PKNOX2: variants seen among roughly 807,000 people sequenced by gnomAD.
PKNOX2 encodes the protein PBX/knotted 1 homeobox 2.
A neutral mutation model predicts 53.1 loss-of-function variants in PKNOX2; 14 were observed. That is an observed-to-expected ratio of 0.26 (90% CI 0.17 to 0.41). The LOEUF is 0.41. PKNOX2 is among the 10% of genes least tolerant of loss of function. The pLI is 1.00. For synonymous variants in PKNOX2, 257 were observed against 242.8 expected (o/e 1.06, Z -0.54); for missense variants, 496 against 602.8 (o/e 0.82, Z 1.85).
At chr11:125,329,568 G>A (rs1181820750) in intron 2 of PKNOX2, among the ~76,000 whole-genome samples, 2 of 152,202 alleles carry the variant, frequency 1.3e-5, no homozygotes, top group African/African-American at 2.4e-5. Flanking sequence ...GATAACCATA[G>A]CATGAGACAG....
At chr11:125,421,151 G>T (rs1956148056) in intron 10 of PKNOX2, among the ~76,000 whole-genome samples, 3 of 152,172 alleles carry the variant, frequency 2.0e-5, no homozygotes, top group African/African-American at 7.2e-5. Flanking sequence ...CATGTAATTG[G>T]GGAAATAAAT....
chr11:125,405,811 C>T (rs1365722454), intron 7 of PKNOX2, among the ~76,000 whole-genome samples: 2 of 152,202 alleles, frequency 1.3e-5, no homozygotes, highest in African/African-American at 2.4e-5. Context: ...GGGGCCGCTT[C>T]CAGGGGTGCC....
chr11:125,391,375 G>A (rs912414673), intron 6 of PKNOX2, among the ~76,000 whole-genome samples: 2 of 152,194 alleles, frequency 1.3e-5, no homozygotes. Flanking sequence ...GAAAGGCCAC[G>A]ATCCTACAAG....
chr11:125,312,037 C>G (rs2136012654), intron 2 of PKNOX2, among the ~76,000 whole-genome samples: 1 of 152,228 alleles, frequency 6.6e-6, no homozygotes. Context: ...ATTTGGACCT[C>G]AGATCCAGCA....
intron 1 of PKNOX2, among the ~76,000 whole-genome samples, chr11:125,189,397 A>ATGTATATATATG (rs1565464991): frequency 1.6e-4 from 9 of 57,326 alleles, no homozygotes; most frequent in East Asian, 1.4e-3. Flanking sequence ...GTATATATAT[A>ATGTATATATATG]TGTGTGTATA....
At chr11:125,410,560 C>T (rs1212110484) in intron 8 of PKNOX2, 4 of 671,424 alleles carry the variant, frequency 6.0e-6, no homozygotes, top group African/African-American at 5.4e-5. Flanking sequence ...CCAAGTAAGG[C>T]TGTTGTCCCT....
intron 1 of PKNOX2, among the ~76,000 whole-genome samples, chr11:125,216,825 G>A (rs767926724): frequency 7.9e-5 from 12 of 152,156 alleles, no homozygotes; most frequent in Non-Finnish European, 1.6e-4. Flanking sequence ...CTGAGGTCAC[G>A]TGGCTGGCCT....
intron 1 of PKNOX2, among the ~76,000 whole-genome samples, chr11:125,214,729 T>G (rs995069307): frequency 3.9e-5 from 6 of 152,002 alleles, no homozygotes; most frequent in African/African-American, 1.4e-4. Flanking sequence ...CTCCAACTCC[T>G]TGCCAACCCT....
At chr11:125,222,739 C>A (rs1301404045) in intron 1 of PKNOX2, among the ~76,000 whole-genome samples, 1 of 134,758 alleles carries the variant, frequency 7.4e-6, no homozygotes, top group South Asian at 2.4e-4. Flanking sequence ...GTGTGTGTGT[C>A]TGTGTCTGTG....
At position 125,310,718 on chromosome 11, in the gene PKNOX2, T is replaced by C. The variant is rs1014750842; in HGVS notation, c.-129-21101T>C. Reference sequence around the variant, plus strand: ...TGGTTTTGCAATCCTGTTCTTTCCATACTCCAAGATATAATTTGCCATTGT... The same window carrying C: ...TGGTTTTGCAATCCTGTTCTTTCCACACTCCAAGATATAATTTGCCATTGT... On this transcript the variant is annotated intron_variant, in intron 2 of 12. Transcript: ENST00000298282. Among the ~76,000 whole-genome samples, 3 of 152,260 alleles carry C rather than the reference T, an allele frequency of 2.0e-5. No homozygotes were observed. The East Asian group carries it at 5.8e-4, about 29-fold the overall frequency.
chr11:125,349,094 A>G (rs1465030025), intron 3 of PKNOX2, among the ~76,000 whole-genome samples: 1 of 152,236 alleles, frequency 6.6e-6, no homozygotes, highest in African/African-American at 2.4e-5. Context: ...AGGGAAGGCT[A>G]TGTTTAATAG....
intron 2 of PKNOX2, among the ~76,000 whole-genome samples, chr11:125,271,878 G>A (rs1464840700): frequency 2.6e-5 from 4 of 152,160 alleles, no homozygotes; most frequent in Non-Finnish European, 5.9e-5. Flanking sequence ...ATACTGATGG[G>A]GAAGCCGCCT....
At chr11:125,295,684 G>C (rs1947612959) in intron 2 of PKNOX2, among the ~76,000 whole-genome samples, 1 of 152,204 alleles carries the variant, frequency 6.6e-6, no homozygotes, top group South Asian at 2.1e-4. Context: ...GGAGGCCTGA[G>C]ACAGGGTCAC....
At chr11:125,359,628 T>G (rs895777406) in intron 4 of PKNOX2, among the ~76,000 whole-genome samples, 3 of 152,176 alleles carry the variant, frequency 2.0e-5, no homozygotes, top group African/African-American at 7.2e-5. Flanking sequence ...CCTGACCTCT[T>G]CCCGGGTCCT....
rs892756966 is a variant in PKNOX2, at chr11:125,203,311, T to C, written c.-200-31734T>C. Reference sequence around the variant, plus strand: ...AGAGACAAGACAAGGTCTCGCTATGTTGGCCAGGCTGGTCTTGAACTCCCG... The same window carrying C: ...AGAGACAAGACAAGGTCTCGCTATGCTGGCCAGGCTGGTCTTGAACTCCCG... On this transcript the variant is annotated intron_variant, in intron 1 of 12. Coordinates refer to ENST00000298282, the MANE Select transcript of PKNOX2 (RefSeq NM_001382323.2). Among the ~76,000 whole-genome samples the C allele has an allele frequency of 3.3e-5, 5 of 152,226 alleles. No homozygotes were observed. The East Asian group carries it at 9.6e-4, about 29-fold the overall frequency.
chr11:125,350,947 C>T (rs931693006), intron 3 of PKNOX2, among the ~76,000 whole-genome samples: 1 of 152,100 alleles, frequency 6.6e-6, no homozygotes, highest in African/African-American at 2.4e-5. Flanking sequence ...GCCTCCAGTC[C>T]CCCGGTGCTG....
intron 2 of PKNOX2, among the ~76,000 whole-genome samples, chr11:125,249,005 ATAT>A (rs1449729962): frequency 6.9e-6 from 1 of 144,666 alleles, no homozygotes; most frequent in East Asian, 2.0e-4. Context: ...CATACATAAT[ATAT>A]TATATATAAC....
intron 3 of PKNOX2, among the ~76,000 whole-genome samples, chr11:125,341,546 T>C (rs1950687448): frequency 1.3e-5 from 2 of 152,164 alleles, no homozygotes; most frequent in South Asian, 4.1e-4. Context: ...CAGGGGCCAG[T>C]GGGCAAGATG....
chr11:125,238,023 C>T (rs1942861464), intron 2 of PKNOX2, among the ~76,000 whole-genome samples: 1 of 152,188 alleles, frequency 6.6e-6, no homozygotes, highest in Non-Finnish European at 1.5e-5. Flanking sequence ...TCCTTCCTTC[C>T]CCTCTGCCAC....
Sources: gnomAD v4.1 joint callset for allele counts (sites outside exome capture counted in the v4.1 genomes callset) on GRCh38, gnomAD v4.1.1 for gene constraint, MANE v1.5 for transcripts, NCBI Gene and HGNC (gene_info 2026-07-23, HGNC 2026-07-21) for gene names.